Variants in FAM53B observed in about 807,000 individuals in gnomAD.
FAM53B encodes the protein protein FAM53B.
A neutral mutation model predicts 32.7 loss-of-function variants in FAM53B; 12 were observed. That is an observed-to-expected ratio of 0.37 (90% CI 0.24 to 0.59). The LOEUF is 0.59. FAM53B is among the 20% of genes least tolerant of loss of function. The pLI is 0.72. For missense variants in FAM53B, 477 were observed against 577.7 expected (o/e 0.83, Z 1.79); for synonymous variants, 234 against 228.7 (o/e 1.02, Z -0.21).
intron 4 of FAM53B, among the ~76,000 whole-genome samples, chr10:124,633,579 C>T (rs539954121): frequency 6.6e-6 from 1 of 152,154 alleles, no homozygotes; most frequent in Non-Finnish European, 1.5e-5. Flanking sequence ...ATAACTAAAA[C>T]AGCATATTAG....
At chr10:124,671,348 GC>G (rs1178418307) in intron 4 of FAM53B, among the ~76,000 whole-genome samples, 11 of 152,372 alleles carry the variant, frequency 7.2e-5, no homozygotes, top group Admixed American at 6.5e-5. Flanking sequence ...TGCAGTCTCT[GC>G]CCTGGGGTCC....
chr10:124,728,802 C>T (rs1295196735), intron 1 of FAM53B, among the ~76,000 whole-genome samples: 2 of 152,262 alleles, frequency 1.3e-5, no homozygotes, highest in South Asian at 2.1e-4. Context: ...TCTCTGCCCA[C>T]AGGCAGTGAT....
At chr10:124,713,133 T>C (rs1336952152) in intron 1 of FAM53B, among the ~76,000 whole-genome samples, 2 of 152,108 alleles carry the variant, frequency 1.3e-5, no homozygotes, top group East Asian at 3.9e-4. Flanking sequence ...CTCACCTCCA[T>C]TCCCATCTCC....
intron 4 of FAM53B, among the ~76,000 whole-genome samples, chr10:124,635,015 A>T (rs1229073661): frequency 1.3e-5 from 2 of 152,250 alleles, no homozygotes; most frequent in East Asian, 3.8e-4. Context: ...TTTGTAACTC[A>T]TATCACAGGC....
intron 4 of FAM53B, among the ~76,000 whole-genome samples, chr10:124,649,841 T>C (rs1355204233): frequency 6.6e-6 from 1 of 152,088 alleles, no homozygotes; most frequent in Non-Finnish European, 1.5e-5. Flanking sequence ...TAAGTCCCCA[T>C]AAGCAACCAA....
intron 4 of FAM53B, among the ~76,000 whole-genome samples, chr10:124,678,354 T>C (rs1350059544): frequency 6.6e-6 from 1 of 152,174 alleles, no homozygotes; most frequent in African/African-American, 2.4e-5. Context: ...TGTGGACACA[T>C]ACACATATAT....
chr10:124,626,332 G>A (rs569252779), intron 4 of FAM53B, among the ~76,000 whole-genome samples: 13 of 150,788 alleles, frequency 8.6e-5, no homozygotes, highest in Non-Finnish European at 1.5e-4. Context: ...CTAACTTATG[G>A]CCACCATGAT....
intron 3 of FAM53B, among the ~76,000 whole-genome samples, chr10:124,693,801 G>A (rs1015107170): frequency 1.3e-5 from 2 of 152,204 alleles, no homozygotes; most frequent in Non-Finnish European, 2.9e-5. Flanking sequence ...GGCCTAAGCA[G>A]TGCAGAATTC....
chr10:124,728,414 C>T (rs748482827), intron 1 of FAM53B, among the ~76,000 whole-genome samples: 1 of 152,238 alleles, frequency 6.6e-6, no homozygotes, highest in Non-Finnish European at 1.5e-5. Flanking sequence ...CCTGCCCCCA[C>T]CAGGAGAGCT....
chr10:124,671,251 G>A (rs894602473), intron 4 of FAM53B: 9 of 445,428 alleles, frequency 2.0e-5, no homozygotes, highest in African/African-American at 6.0e-5. Flanking sequence ...CCCTTTCTGC[G>A]GGACCAGCTA....
intron 1 of FAM53B, among the ~76,000 whole-genome samples, chr10:124,726,954 T>A (rs1950107831): frequency 6.6e-6 from 1 of 152,180 alleles, no homozygotes; most frequent in African/African-American, 2.4e-5. Flanking sequence ...AAAAATTACA[T>A]CTTTATTTGT....
At chr10:124,637,678 G>T (rs1949442035) in intron 4 of FAM53B, among the ~76,000 whole-genome samples, 1 of 152,118 alleles carries the variant, frequency 6.6e-6, no homozygotes, top group Admixed American at 6.5e-5. Context: ...CTCACTCCAG[G>T]GCTAAAGGCC....
intron 2 of FAM53B, among the ~76,000 whole-genome samples, chr10:124,702,743 T>C (rs1283808422): frequency 6.6e-6 from 1 of 152,152 alleles, no homozygotes; most frequent in Non-Finnish European, 1.5e-5. Context: ...GGCATACAGT[T>C]TGGATGTTCG....
intron 2 of FAM53B, among the ~76,000 whole-genome samples, chr10:124,699,294 G>A (rs1949897190): frequency 6.6e-6 from 1 of 152,194 alleles, no homozygotes; most frequent in Admixed American, 6.5e-5. Flanking sequence ...TCCCACTCCT[G>A]CAGCCACACA....
At chr10:124,671,318 C>A (rs776753126) in intron 4 of FAM53B, 1 of 412,170 alleles carries the variant, frequency 2.4e-6, no homozygotes, top group South Asian at 1.6e-5. Flanking sequence ...ATGGACTCCA[C>A]GCTGCCAAGC....
chr10:124,642,229 C>T (rs542295688), intron 4 of FAM53B, among the ~76,000 whole-genome samples: 12 of 152,350 alleles, frequency 7.9e-5, no homozygotes, highest in South Asian at 2.1e-4. Context: ...AGAGGCTTTA[C>T]GGGCAAGCTG....
At chr10:124,725,480 G>T (rs1283135321) in intron 1 of FAM53B, among the ~76,000 whole-genome samples, 4 of 152,272 alleles carry the variant, frequency 2.6e-5, no homozygotes, top group African/African-American at 9.6e-5. Context: ...GCCTTGGACT[G>T]ACGGCAGTGA....
rs543440245 is a variant in FAM53B, at chr10:124,692,262, C to T, written c.133+3896G>A. Among the ~76,000 whole-genome samples the T allele has an allele frequency of 8.5e-5, 13 of 152,272 alleles. 1 individual carries two copies. The East Asian group carries it at 1.7e-3, about 20-fold the overall frequency. On this transcript the variant is annotated intron_variant, in intron 3 of 4. Coordinates refer to ENST00000337318, the MANE Select transcript of FAM53B (RefSeq NM_014661.4). ...ATCTGCTTCTCCCACCCACGCTTCACGCTGGCTTTGTTCTCTCTTCCACAC... is the reference window on the plus strand; with the variant it reads ...ATCTGCTTCTCCCACCCACGCTTCATGCTGGCTTTGTTCTCTCTTCCACAC...
At chr10:124,652,057 G>A (rs1949559824) in intron 4 of FAM53B, among the ~76,000 whole-genome samples, 2 of 152,212 alleles carry the variant, frequency 1.3e-5, no homozygotes, top group Admixed American at 6.5e-5. Context: ...ACATCAAAGT[G>A]TGATAAGCAC....
Sources: gnomAD v4.1 joint callset for allele counts (sites outside exome capture counted in the v4.1 genomes callset) on GRCh38, gnomAD v4.1.1 for gene constraint, MANE v1.5 for transcripts, NCBI Gene and HGNC (gene_info 2026-07-23, HGNC 2026-07-21) for gene names.